CASTOR2: variants seen among roughly 807,000 people sequenced by gnomAD.
CASTOR2 encodes the protein cytosolic arginine sensor for mTORC1 subunit 2.
Under a neutral mutation model 31.2 loss-of-function variants are expected in CASTOR2, and 8 were observed. The ratio of observed to expected loss-of-function variants is 0.26; its 90% CI spans 0.15 to 0.46. The LOEUF is 0.46. CASTOR2 is among the 20% of genes least tolerant of loss of function. The pLI is 0.99. For synonymous variants in CASTOR2, 162 were observed against 158.7 expected (o/e 1.02, Z -0.16); for missense variants, 216 against 382.1 (o/e 0.57, Z 3.62).
At chr7:75,000,630 C>T (rs1405040308) in intron 1 of CASTOR2, among the ~76,000 whole-genome samples, 1 of 152,066 alleles carries the variant, frequency 6.6e-6, no homozygotes, top group African/African-American at 2.4e-5. Context: ...GGGCTTGTTT[C>T]AAAACCCCGC....
rs954513994 is a variant in CASTOR2, at chr7:75,031,370, C to A, written c.*6671C>A. On this transcript the variant is annotated 3_prime_UTR_variant, in exon 9 of 9. Coordinates refer to ENST00000616305, the MANE Select transcript of CASTOR2 (RefSeq NM_001145064.3). ...GGGAGAACCTGCCATCTTATCCCTACCCCCCCGGGGCCCTCAAGCTTATTT... is the reference window on the plus strand; with the variant it reads ...GGGAGAACCTGCCATCTTATCCCTAACCCCCCGGGGCCCTCAAGCTTATTT... Among the ~76,000 whole-genome samples the A allele has an allele frequency of 1.3e-5, 2 of 152,072 alleles. No homozygotes were observed. Among genetic ancestry groups the A allele is most frequent in the African/African-American group, 4.8e-5 (2 of 41,392 alleles).
Position 75,026,189 on chromosome 7 carries a change from G to GTTTTTTTTTTTT in CASTOR2, c.*1496_*1507dup, listed in dbSNP as rs879121750. 3.0e-4 allele frequency among the ~76,000 whole-genome samples: 35 copies of GTTTTTTTTTTTT among 117,710 alleles called. 2 individuals carry two copies. The highest frequency in any genetic ancestry group is 7.1e-4 in the African/African-American group (22 of 30,792). 77.2% of individuals were successfully genotyped at this position (117,710 alleles called of 152,430 possible). On this transcript the variant is annotated 3_prime_UTR_variant, in exon 9 of 9. Transcript: ENST00000616305. ...CCCTGTGGTTTTGGCTCTGGCGGGG[G>GTTTTTTTTTTTT]TTTTTTTTTTTTTTTTTGAGATGGG...
rs926754112 is a variant in CASTOR2 at position 75,022,476 on chromosome 7, A to C, written c.829+520A>C. Among the ~76,000 whole-genome samples the C allele has an allele frequency of 2.2e-4, 16 of 73,644 alleles. No homozygotes were observed. In the South Asian group the frequency reaches 7.0e-3, roughly 32 times the overall value. The allele number at this position is 73,644 out of a possible 152,430, so 48.3% of individuals were successfully genotyped here. On this transcript the variant is annotated intron_variant, in intron 7 of 8. Coordinates refer to ENST00000616305, the MANE Select transcript of CASTOR2 (RefSeq NM_001145064.3). Reference sequence around the variant, plus strand: ...GCCATGATCATGCCATTGTACTCCAACCTGGGTGACAGAGCAAATCTTTGC... The same window carrying C: ...GCCATGATCATGCCATTGTACTCCACCCTGGGTGACAGAGCAAATCTTTGC...
At chr7:75,009,387 T>C (rs1395352763) in intron 2 of CASTOR2, among the ~76,000 whole-genome samples, 210 of 133,294 alleles carry the variant, frequency 1.6e-3, no homozygotes, top group African/African-American at 4.5e-3. Context: ...CCTGCCTCAG[T>C]CTCCCGAGTA....
chr7:74,977,337 C>T (rs1284328507), intron 1 of CASTOR2, among the ~76,000 whole-genome samples: 2 of 151,652 alleles, frequency 1.3e-5, no homozygotes, highest in African/African-American at 2.4e-5. Context: ...TCTGGGTGTC[C>T]AAGGTCCCTG....
chr7:74,993,739 C>T (rs2131933200), intron 1 of CASTOR2, among the ~76,000 whole-genome samples: 1 of 151,236 alleles, frequency 6.6e-6, no homozygotes, highest in South Asian at 2.1e-4. Context: ...GTGTGAGCCA[C>T]CGTGCCTGGC....
At chr7:75,012,410 C>G (rs1419192812) in intron 2 of CASTOR2, among the ~76,000 whole-genome samples, 2 of 152,068 alleles carry the variant, frequency 1.3e-5, no homozygotes, top group Non-Finnish European at 2.9e-5. Context: ...TCAAGCGATT[C>G]TCCTGCCTCA....
chr7:75,002,759 G>A (rs1397423112), intron 1 of CASTOR2, among the ~76,000 whole-genome samples: 1 of 152,112 alleles, frequency 6.6e-6, no homozygotes, highest in Admixed American at 6.6e-5. Flanking sequence ...GAGTGGTGGA[G>A]AGGCGAAAAC....
Position 75,022,861 on chromosome 7 carries a change from GA to G in CASTOR2, c.829+913del, listed in dbSNP as rs1366693583. Among the ~76,000 whole-genome samples the G allele has an allele frequency of 1.6e-4, 24 of 151,850 alleles. No homozygotes were observed. The South Asian group carries it at 3.8e-3, about 24-fold the overall frequency. ...TTGGGGCTGTGATAAAAATTAAAGA[GA>G]AAAAAAATCACTCCTTATTTCCACA... On this transcript the variant is annotated intron_variant, in intron 7 of 8. Coordinates refer to ENST00000616305, the MANE Select transcript of CASTOR2 (RefSeq NM_001145064.3).
rs2131959616 is a variant in CASTOR2 at position 75,024,727 on chromosome 7, C to T, written c.*28C>T. The T allele has an allele frequency of 2.6e-6, 4 of 1,551,572 alleles. No homozygotes were observed. The highest frequency in any genetic ancestry group is 2.6e-6 in the Non-Finnish European group (3 of 1,146,838). Reference sequence around the variant, plus strand: ...GGGTCTCTTCTGCTCCTCCCTGCCGCCGCCCGGGCCCAGCCCTAACCCTGA... The same window carrying T: ...GGGTCTCTTCTGCTCCTCCCTGCCGTCGCCCGGGCCCAGCCCTAACCCTGA... On this transcript the variant is annotated 3_prime_UTR_variant, in exon 9 of 9. Transcript: ENST00000616305.
chr7:74,965,850 T>TCACACACACACA (rs1177991219), intron 1 of CASTOR2, among the ~76,000 whole-genome samples: 4 of 10,622 alleles, frequency 3.8e-4, no homozygotes, highest in African/African-American at 9.8e-4. Flanking sequence ...AAAGAGGGAA[T>TCACACACACACA]CACACACACA....
At chr7:74,977,283 T>A (rs1185239484) in intron 1 of CASTOR2, among the ~76,000 whole-genome samples, 1 of 151,052 alleles carries the variant, frequency 6.6e-6, no homozygotes, top group Non-Finnish European at 1.5e-5. Flanking sequence ...AGATCTGCAG[T>A]ATGAAAAACC....
intron 2 of CASTOR2, among the ~76,000 whole-genome samples, chr7:75,011,013 CG>C (rs1474776719): frequency 6.6e-6 from 1 of 151,966 alleles, no homozygotes; most frequent in Non-Finnish European, 1.5e-5. Flanking sequence ...CCACCATGCC[CG>C]GCTAATTTTT....
intron 1 of CASTOR2, among the ~76,000 whole-genome samples, chr7:74,990,652 TGA>T (rs1158473149): frequency 6.6e-6 from 1 of 152,060 alleles, no homozygotes; most frequent in Admixed American, 6.6e-5. Flanking sequence ...GTCAGGAGTT[TGA>T]GACCAGCCTG....
rs959544091 is a variant in CASTOR2 at position 75,028,338 on chromosome 7, C to T, written c.*3639C>T. 6.6e-6 allele frequency among the ~76,000 whole-genome samples: 1 copy of T among 152,094 alleles called. No homozygotes were observed. Among genetic ancestry groups the T allele is most frequent in the African/African-American group, 2.4e-5 (1 of 41,414 alleles). On this transcript the variant is annotated 3_prime_UTR_variant, in exon 9 of 9. Transcript: ENST00000616305. Reference sequence around the variant, plus strand: ...GTTTCACCATGTTGGCCACGCTGGTCTTGAACTCCTGACCTCAAGTGATCC... The same window carrying T: ...GTTTCACCATGTTGGCCACGCTGGTTTTGAACTCCTGACCTCAAGTGATCC...
rs1805304462 is a variant in CASTOR2 at position 75,031,508 on chromosome 7, A to C, written c.*6809A>C. Among the ~76,000 whole-genome samples the C allele has an allele frequency of 6.9e-6, 1 of 144,048 alleles. No homozygotes were observed. Among genetic ancestry groups the C allele is most frequent in the Non-Finnish European group, 1.5e-5 (1 of 64,534 alleles). 94.5% of individuals were successfully genotyped at this position (144,048 alleles called of 152,430 possible). A position where few individuals can be genotyped will look rare whatever the true frequency, so the allele number is the denominator to read the frequency against. ...TATATTTTGTACTTTGTAAAGTGTT[A>C]ATTAAAATGAAAAAAAAAAACGATG... On this transcript the variant is annotated 3_prime_UTR_variant, in exon 9 of 9. Transcript: ENST00000616305.
In CASTOR2 at chr7:74,984,281, A is replaced by G. The variant is rs1804013761; in HGVS notation, c.113+19183A>G. Among the ~76,000 whole-genome samples the G allele has an allele frequency of 2.7e-5, 4 of 150,334 alleles. No individual in the cohort carries two copies. The South Asian group carries it at 6.4e-4, about 24-fold the overall frequency. On this transcript the variant is annotated intron_variant, in intron 1 of 8. Transcript: ENST00000616305. ...GGCAGGCAGGCAGGTATTGTCACCA[A>G]GAGACCCTGGAGATCAGGAGAGGTT...
chr7:74,993,582 C>G (rs1206907607), intron 1 of CASTOR2, among the ~76,000 whole-genome samples: 1 of 150,936 alleles, frequency 6.6e-6, no homozygotes, highest in Non-Finnish European at 1.5e-5. Context: ...TCTGGAGTAG[C>G]TGAGATTACA....
chr7:75,000,484 G>A (rs1804468466), intron 1 of CASTOR2, among the ~76,000 whole-genome samples: 1 of 152,238 alleles, frequency 6.6e-6, no homozygotes, highest in African/African-American at 2.4e-5. Flanking sequence ...AGTGGGCTGA[G>A]AAAGGACCTG....
Sources: gnomAD v4.1 joint callset for allele counts (sites outside exome capture counted in the v4.1 genomes callset) on GRCh38, gnomAD v4.1.1 for gene constraint, MANE v1.5 for transcripts, NCBI Gene and HGNC (gene_info 2026-07-23, HGNC 2026-07-21) for gene names.